The following ST8SIA4 variants were observed in gnomAD, a reference collection of about 807,000 sequenced individuals.
ST8SIA4 encodes CMP-N-acetylneuraminate-poly-alpha-2,8-sialyltransferase.
In ST8SIA4, 15 loss-of-function variants were observed where a neutral mutation model predicts 33.9. The ratio of observed to expected loss-of-function variants is 0.44; its 90% CI spans 0.30 to 0.68. The LOEUF is 0.68. Ranked by LOEUF, ST8SIA4 falls within the 30% of genes least tolerant of loss-of-function variation. The pLI, the probability that ST8SIA4 is intolerant of heterozygous loss-of-function variation, is 0.10. For missense variants in ST8SIA4, 321 were observed against 428.0 expected, an observed-to-expected ratio of 0.75 and a Z score of 2.21; for synonymous variants, 171 against 151.2, an observed-to-expected ratio of 1.13 and a Z score of -0.96.
At chr5:100,899,622 G>A (rs1370486448) in intron 1 of ST8SIA4, among the ~76,000 whole-genome samples, 2 of 152,158 alleles carry the variant, frequency 1.3e-5, no homozygotes, top group Non-Finnish European at 2.9e-5. Context: ...CAGAAAAATA[G>A]TGTGTAGCAA....
At chr5:100,846,013 C>T (rs1025295869) in intron 4 of ST8SIA4, among the ~76,000 whole-genome samples, 1 of 151,946 alleles carries the variant, frequency 6.6e-6, no homozygotes, top group African/African-American at 2.4e-5. Context: ...AGCAACACCA[C>T]AGGCAGGTAA....
At chr5:100,818,294 C>A (rs1750970474) in intron 4 of ST8SIA4, among the ~76,000 whole-genome samples, 1 of 152,086 alleles carries the variant, frequency 6.6e-6, no homozygotes. Flanking sequence ...AAATAATGAT[C>A]TGTATGGTGT....
At chr5:100,837,229 C>T (rs747403155) in intron 4 of ST8SIA4, among the ~76,000 whole-genome samples, 4 of 151,924 alleles carry the variant, frequency 2.6e-5, no homozygotes, top group Non-Finnish European at 5.9e-5. Flanking sequence ...TATTTAGAGA[C>T]TCCACTTTAG....
At chr5:100,849,628 G>GA (rs34887514) in intron 4 of ST8SIA4, among the ~76,000 whole-genome samples, 25 of 148,168 alleles carry the variant, frequency 1.7e-4, no homozygotes, top group African/African-American at 2.7e-4. Context: ...CAAAAATAGA[G>GA]AAAAAAAAAA....
chr5:100,894,974 G>A (rs1173087960), intron 2 of ST8SIA4, among the ~76,000 whole-genome samples: 1 of 151,928 alleles, frequency 6.6e-6, no homozygotes, highest in East Asian at 1.9e-4. Context: ...TAACTATAAA[G>A]AAAAAACAAT....
At chr5:100,898,816 C>G (rs1752834920) in intron 1 of ST8SIA4, among the ~76,000 whole-genome samples, 1 of 152,166 alleles carries the variant, frequency 6.6e-6, no homozygotes, top group Non-Finnish European at 1.5e-5. Context: ...GCACTGAAAA[C>G]ATTTATTGCA....
chr5:100,843,821 C>T (rs1751515437), intron 4 of ST8SIA4, among the ~76,000 whole-genome samples: 1 of 151,856 alleles, frequency 6.6e-6, no homozygotes, highest in African/African-American at 2.4e-5. Context: ...TCATAGGGCC[C>T]TTATAAATCC....
intron 4 of ST8SIA4, among the ~76,000 whole-genome samples, chr5:100,824,297 G>A (rs543285235): frequency 2.2e-4 from 34 of 152,254 alleles, no homozygotes; most frequent in African/African-American, 7.7e-4. Flanking sequence ...AGAATCTAGG[G>A]TATATAGAGG....
At chr5:100,835,811 G>C (rs1196488507) in intron 4 of ST8SIA4, among the ~76,000 whole-genome samples, 1 of 152,042 alleles carries the variant, frequency 6.6e-6, no homozygotes, top group East Asian at 1.9e-4. Context: ...ATATTCACCA[G>C]AATAGAAAGA....
At chr5:100,881,723 C>G (rs1258790324) in intron 3 of ST8SIA4, among the ~76,000 whole-genome samples, 1 of 152,132 alleles carries the variant, frequency 6.6e-6, no homozygotes, top group Non-Finnish European at 1.5e-5. Flanking sequence ...TGTTGGAGGG[C>G]CCTGGTGGTA....
intron 4 of ST8SIA4, among the ~76,000 whole-genome samples, chr5:100,828,937 C>A (rs1338004995): frequency 6.6e-6 from 1 of 151,962 alleles, no homozygotes; most frequent in Admixed American, 6.6e-5. Flanking sequence ...AAAGACTTGT[C>A]AAATGACTCA....
At chr5:100,860,255 T>C (rs1751907660) in intron 3 of ST8SIA4, among the ~76,000 whole-genome samples, 1 of 152,196 alleles carries the variant, frequency 6.6e-6, no homozygotes, top group Non-Finnish European at 1.5e-5. Flanking sequence ...TTTTCTTTTT[T>C]GGCCAATCCC....
intron 4 of ST8SIA4, among the ~76,000 whole-genome samples, chr5:100,852,419 GC>G (rs1308243024): frequency 1.4e-5 from 2 of 146,934 alleles, no homozygotes; most frequent in Non-Finnish European, 3.0e-5. Context: ...ACTGCACTGG[GC>G]CCAAAATTGC....
At chr5:100,830,016 C>T (rs1167213916) in intron 4 of ST8SIA4, among the ~76,000 whole-genome samples, 1 of 151,572 alleles carries the variant, frequency 6.6e-6, no homozygotes, top group Admixed American at 6.6e-5. Context: ...AGAGATAAGT[C>T]TTTATTTATT....
intron 4 of ST8SIA4, among the ~76,000 whole-genome samples, chr5:100,822,229 G>A (rs1209684384): frequency 1.3e-5 from 2 of 152,004 alleles, no homozygotes; most frequent in African/African-American, 4.8e-5. Context: ...TCAAACCATC[G>A]CTAATTTTCC....
chr5:100,893,741 G>C (rs1752722015), intron 2 of ST8SIA4, among the ~76,000 whole-genome samples: 2 of 151,978 alleles, frequency 1.3e-5, no homozygotes, highest in Admixed American at 1.3e-4. Flanking sequence ...TTTGCTATCT[G>C]ACACATTATT....
At chr5:100,861,423 A>G (rs148281284) in intron 3 of ST8SIA4, among the ~76,000 whole-genome samples, 1 of 152,126 alleles carries the variant, frequency 6.6e-6, no homozygotes, top group African/African-American at 2.4e-5. Context: ...CTAGCAAACA[A>G]AGATCTGCAT....
At chr5:100,900,223 G>T (rs1752871739) in intron 1 of ST8SIA4, 1 of 345,064 alleles carries the variant, frequency 2.9e-6, no homozygotes, top group South Asian at 2.2e-5. Flanking sequence ...AGTGATGCAA[G>T]ATTCAAGGAC....
In ST8SIA4 at chr5:100,841,280, C is replaced by G. The variant is rs142783687; in HGVS notation, c.797+14823G>C. ...GGACTTTTGTAAATTGGGATCAACA[C>G]AAATTTTTATTCAAGCCATAGGTAT... On this transcript the variant is annotated intron_variant, in intron 4 of 4. Coordinates refer to ENST00000231461, the MANE Select transcript of ST8SIA4 (RefSeq NM_005668.6). Among the ~76,000 whole-genome samples, 448 of 151,796 alleles carry G rather than the reference C, an allele frequency of 3.0e-3. 2 individuals carry two copies. The highest frequency in any genetic ancestry group is 9.8e-3 in the African/African-American group (405 of 41,448).
Sources: gnomAD v4.1 joint callset for allele counts (sites outside exome capture counted in the v4.1 genomes callset) on GRCh38, gnomAD v4.1.1 for gene constraint, MANE v1.5 for transcripts, NCBI Gene and HGNC (gene_info 2026-07-23, HGNC 2026-07-21) for gene names.